Variants in CUL1 observed in about 807,000 individuals in gnomAD.
CUL1 encodes the protein cullin-1.
Under a neutral mutation model 118.0 loss-of-function variants are expected in CUL1, and 24 were observed. The observed-to-expected ratio is 0.20, with a 90% confidence interval of 0.15 to 0.29. The LOEUF (loss-of-function observed/expected upper bound fraction) is 0.29. Among genes scored for constraint, CUL1 ranks in the 10% least tolerant of loss-of-function variants. The probability of loss-of-function intolerance (pLI) is 1.00; values close to 1 mark genes in which losing one functional copy is unlikely to be tolerated. For missense variants in CUL1, 361 were observed against 933.8 expected, an observed-to-expected ratio of 0.39 and a Z score of 7.99; for synonymous variants, 332 against 340.4, an observed-to-expected ratio of 0.98 and a Z score of 0.27.
At chr7:148,703,387 A>G (rs977290422) in intron 1 of CUL1, among the ~76,000 whole-genome samples, 1 of 152,172 alleles carries the variant, frequency 6.6e-6, no homozygotes, top group Non-Finnish European at 1.5e-5. Flanking sequence ...TTATAAAACC[A>G]TTCAAGACTG....
At chr7:148,745,994 A>T (rs1162378797) in intron 2 of CUL1, among the ~76,000 whole-genome samples, 1 of 152,192 alleles carries the variant, frequency 6.6e-6, no homozygotes, top group African/African-American at 2.4e-5. Context: ...AATGAATGTG[A>T]TGTTAAACTG....
intron 9 of CUL1, among the ~76,000 whole-genome samples, chr7:148,776,117 A>C (rs1051259701): frequency 1.3e-5 from 2 of 151,914 alleles, no homozygotes; most frequent in East Asian, 3.9e-4. Flanking sequence ...CTGAATTTTT[A>C]ATTTGAAACA....
At chr7:148,795,537 C>T (rs1028207217) in intron 17 of CUL1, among the ~76,000 whole-genome samples, 10 of 151,996 alleles carry the variant, frequency 6.6e-5, no homozygotes, top group Non-Finnish European at 1.0e-4. Flanking sequence ...GAGCCCGAGG[C>T]GGGCGGATCA....
intron 3 of CUL1, 72 bp downstream of exon 3, chr7:148,754,222 G>A: frequency 9.8e-7 from 1 of 1,024,574 alleles, no homozygotes; most frequent in Admixed American, 2.9e-5. Context: ...GTTCTAACTT[G>A]TTAAATCTTT....
chr7:148,754,453 A>G lies in CUL1; in HGVS notation c.315+303A>G, dbSNP rs1229523424. On this transcript the variant is annotated intron_variant, in intron 3 of 21. Transcript: ENST00000325222. ...CTCCTGAGTAGCTGAGACTCTGCAA[A>G]TGCTCACCACCGTGCCCAGCTCTTT... 2.0e-5 allele frequency among the ~76,000 whole-genome samples: 3 copies of G among 152,204 alleles called. No homozygotes were observed. The East Asian group carries it at 5.8e-4, about 30-fold the overall frequency.
chr7:148,715,421 A>G (rs243531), intron 1 of CUL1, among the ~76,000 whole-genome samples: 68,360 of 152,036 alleles, frequency 0.45, 16,362 homozygotes, highest in African/African-American at 0.63. Context: ...GTGACTTTTC[A>G]TAATAGACCT....
intron 2 of CUL1, among the ~76,000 whole-genome samples, chr7:148,745,538 G>A (rs1050080257): frequency 3.3e-5 from 5 of 152,192 alleles, no homozygotes; most frequent in African/African-American, 1.2e-4. Flanking sequence ...TGCCAGAAAT[G>A]TGGTTAGGTA....
At chr7:148,719,297 C>A (rs913913071) in intron 1 of CUL1, among the ~76,000 whole-genome samples, 4 of 150,632 alleles carry the variant, frequency 2.7e-5, no homozygotes, top group African/African-American at 4.9e-5. Flanking sequence ...GGTGACAGAG[C>A]GAGACTTCGT....
chr7:148,759,359 C>G lies in CUL1; in HGVS notation c.534+5C>G. On this transcript the variant is annotated splice_donor_5th_base_variant and intron_variant, in intron 5 of 21. Transcript: ENST00000325222. The stretch of plus-strand genomic sequence containing the variant: ...TTCAGGCCACTGAATAAACAGGTAC[C>G]TACTGGTGTGAGCGTGTGCATGTTC... 2 of 1,613,836 alleles carry G rather than the reference C, an allele frequency of 1.2e-6. No individual in the cohort carries two copies. Among genetic ancestry groups the G allele is most frequent in the Non-Finnish European group, 1.7e-6 (2 of 1,179,796 alleles).
At chr7:148,783,429 C>CA in intron 9 of CUL1, 1 of 985,476 alleles carries the variant, frequency 1.0e-6, no homozygotes, top group Non-Finnish European at 1.2e-6. Context: ...CCAGCTGAAA[C>CA]AGAGTCCAGA....
chr7:148,761,014 C>T (rs1452032119), intron 7 of CUL1, among the ~76,000 whole-genome samples: 1 of 152,176 alleles, frequency 6.6e-6, no homozygotes, highest in Non-Finnish European at 1.5e-5. Flanking sequence ...CCACCACACT[C>T]AGCTAATTGT....
intron 9 of CUL1, among the ~76,000 whole-genome samples, chr7:148,778,995 C>T (rs1800519961): frequency 6.6e-6 from 1 of 152,162 alleles, no homozygotes; most frequent in African/African-American, 2.4e-5. Flanking sequence ...CACTTAGCAC[C>T]ACAACTGATC....
intron 2 of CUL1, among the ~76,000 whole-genome samples, chr7:148,746,187 C>T (rs1563157238): frequency 6.6e-6 from 1 of 152,150 alleles, no homozygotes; most frequent in Non-Finnish European, 1.5e-5. Context: ...CCACAAAGAA[C>T]ACTTGGTGAG....
In CUL1 at chr7:148,784,863, A is replaced by G. The variant is rs374327847; in HGVS notation, c.1298+786A>G. On this transcript the variant is annotated intron_variant, in intron 11 of 21. Coordinates refer to ENST00000325222, the MANE Select transcript of CUL1 (RefSeq NM_003592.3). ...ACCCACATACCAGAATGAAAAGACT[A>G]CAAACAAGTGTCACTTGAGAATAGA... Among the ~76,000 whole-genome samples, 76 of 152,364 alleles carry G rather than the reference A, an allele frequency of 5.0e-4. 1 individual carries two copies. The highest frequency in any genetic ancestry group is 1.7e-3 in the African/African-American group (70 of 41,582).
intron 2 of CUL1, among the ~76,000 whole-genome samples, chr7:148,731,271 T>C (rs1028648058): frequency 6.6e-6 from 1 of 152,206 alleles, no homozygotes; most frequent in Non-Finnish European, 1.5e-5. Flanking sequence ...TGCCACTGTT[T>C]CTAGGACTTT....
chr7:148,736,954 A>G (rs1412035347), intron 2 of CUL1, among the ~76,000 whole-genome samples: 1 of 152,218 alleles, frequency 6.6e-6, no homozygotes, highest in Non-Finnish European at 1.5e-5. Context: ...GGACTTCTAT[A>G]TGAGTTTTTA....
chr7:148,783,693 T>C (rs748724850), intron 9 of CUL1, 90 bp from the exon 10 acceptor site: 2 of 1,579,848 alleles, frequency 1.3e-6, no homozygotes, highest in Non-Finnish European at 1.7e-6. Context: ...TTTTAGAATA[T>C]TTTGTATGCT....
At chr7:148,769,992 A>C (rs1202412547) in intron 9 of CUL1, among the ~76,000 whole-genome samples, 1 of 152,272 alleles carries the variant, frequency 6.6e-6, no homozygotes, top group Admixed American at 6.5e-5. Context: ...AGAAATAATC[A>C]ACTATGATTC....
intron 11 of CUL1, among the ~76,000 whole-genome samples, chr7:148,785,397 C>T (rs919014207): frequency 2.6e-5 from 4 of 151,906 alleles, no homozygotes; most frequent in South Asian, 4.2e-4. Context: ...CTTACTCTGT[C>T]GCCCATGCTG....
Sources: gnomAD v4.1 joint callset for allele counts (sites outside exome capture counted in the v4.1 genomes callset) on GRCh38, gnomAD v4.1.1 for gene constraint, MANE v1.5 for transcripts, NCBI Gene and HGNC (gene_info 2026-07-23, HGNC 2026-07-21) for gene names.